The following PDSS2 variants were observed in gnomAD, a reference collection of about 807,000 sequenced individuals.
PDSS2 encodes all trans-polyprenyl-diphosphate synthase PDSS2.
In PDSS2, 31 loss-of-function variants were observed where a neutral mutation model predicts 44.5. The observed-to-expected ratio is 0.70, with a 90% CI of 0.52 to 0.94. The LOEUF (loss-of-function observed/expected upper bound fraction) is 0.94, where lower values mean the gene tolerates loss of function less well. Among genes scored for constraint, PDSS2 ranks in the 40% least tolerant of loss-of-function variants. PDSS2 has a pLI of 0.00. For synonymous variants in PDSS2, 157 were observed against 180.3 expected (o/e 0.87, Z 1.03); for missense variants, 452 against 482.2 (o/e 0.94, Z 0.59).
chr6:107,276,727 T>G (rs1775795818), intron 2 of PDSS2, among the ~76,000 whole-genome samples: 1 of 152,234 alleles, frequency 6.6e-6, no homozygotes, highest in Admixed American at 6.5e-5. Context: ...TTTGACCATA[T>G]GACTTGTTTG....
chr6:107,219,756 G>T (rs1246450959), intron 4 of PDSS2, among the ~76,000 whole-genome samples: 2 of 152,280 alleles, frequency 1.3e-5, no homozygotes, highest in Non-Finnish European at 2.9e-5. Flanking sequence ...TTGAAGGTTA[G>T]ACCTGGTACT....
At chr6:107,211,294 G>C (rs570540788) in intron 5 of PDSS2, among the ~76,000 whole-genome samples, 11 of 151,616 alleles carry the variant, frequency 7.3e-5, no homozygotes, top group African/African-American at 2.7e-4. Flanking sequence ...TATATATAGA[G>C]AGAGGCAACA....
At chr6:107,198,348 T>C (rs961790134) in intron 6 of PDSS2, among the ~76,000 whole-genome samples, 1 of 152,164 alleles carries the variant, frequency 6.6e-6, no homozygotes, top group African/African-American at 2.4e-5. Flanking sequence ...CTACATAAAA[T>C]GACAACACCG....
chr6:107,455,494 G>C (rs1043223428), intron 1 of PDSS2, among the ~76,000 whole-genome samples: 1 of 151,938 alleles, frequency 6.6e-6, no homozygotes, highest in African/African-American at 2.4e-5. Context: ...AGTGGCTCAT[G>C]CCTGTAATTC....
chr6:107,175,297 A>G (rs1397540815), intron 7 of PDSS2, among the ~76,000 whole-genome samples: 1 of 152,048 alleles, frequency 6.6e-6, no homozygotes, highest in Non-Finnish European at 1.5e-5. Flanking sequence ...CAACAGCCCT[A>G]CGAGGTAGAT....
rs1022643515 is a variant in PDSS2 at position 107,154,595 on chromosome 6, C to T, written c.*24G>A. On this transcript the variant is annotated 3_prime_UTR_variant, in exon 8 of 8. Transcript: ENST00000369037. ...TTCCCTAGGATTTTCAGCTAACTAA[C>T]AATAGTGTCTTTTTAATTTGATGTC... The T allele has an allele frequency of 2.5e-6, 4 of 1,612,168 alleles. No individual in the cohort carries two copies. The African/African-American group carries it at 4.0e-5, about 16-fold the overall frequency.
chr6:107,402,777 C>T (rs1205402525), intron 1 of PDSS2, among the ~76,000 whole-genome samples: 3 of 151,570 alleles, frequency 2.0e-5, no homozygotes, highest in African/African-American at 7.3e-5. Flanking sequence ...TAAACTAGAA[C>T]TAGAACTCAC....
intron 2 of PDSS2, among the ~76,000 whole-genome samples, chr6:107,283,117 A>G (rs186883363): frequency 6.6e-6 from 1 of 151,526 alleles, no homozygotes. Flanking sequence ...CCAGGAGTTC[A>G]AGACCAGCCT....
At chr6:107,244,128 CA>C (rs1774531404) in intron 4 of PDSS2, among the ~76,000 whole-genome samples, 1 of 152,024 alleles carries the variant, frequency 6.6e-6, no homozygotes, top group Non-Finnish European at 1.5e-5. Flanking sequence ...AACTCCATCT[CA>C]AAAAAACAAA....
intron 1 of PDSS2, among the ~76,000 whole-genome samples, chr6:107,393,547 A>T (rs1168830944): frequency 6.6e-6 from 1 of 152,170 alleles, no homozygotes; most frequent in Non-Finnish European, 1.5e-5. Flanking sequence ...TCAGTCTTCT[A>T]AATCCCTATG....
intron 3 of PDSS2, among the ~76,000 whole-genome samples, chr6:107,266,014 C>T (rs954711115): frequency 6.6e-6 from 1 of 152,176 alleles, no homozygotes; most frequent in Non-Finnish European, 1.5e-5. Flanking sequence ...TCGCCACCTC[C>T]TCCTTCTAAA....
At chr6:107,212,836 CAAAAAA>C (rs68101776) in intron 4 of PDSS2, among the ~76,000 whole-genome samples, 111 of 127,776 alleles carry the variant, frequency 8.7e-4, no homozygotes, top group Non-Finnish European at 1.2e-3. Flanking sequence ...CAAGACTCTA[CAAAAAA>C]AAAAAAAAAA....
intron 3 of PDSS2, among the ~76,000 whole-genome samples, chr6:107,251,725 T>C (rs1774825402): frequency 2.0e-5 from 3 of 152,212 alleles, no homozygotes; most frequent in Admixed American, 6.5e-5. Flanking sequence ...AAATTTCTTT[T>C]TGAGCCACAA....
chr6:107,418,681 A>T (rs112578862), intron 1 of PDSS2, among the ~76,000 whole-genome samples: 476 of 152,326 alleles, frequency 3.1e-3, no homozygotes, highest in African/African-American at 0.011. Flanking sequence ...AGGCTGAGGC[A>T]GGAGAATCGC....
chr6:107,395,939 A>C (rs527383351), intron 1 of PDSS2, among the ~76,000 whole-genome samples: 1 of 152,250 alleles, frequency 6.6e-6, no homozygotes, highest in South Asian at 2.1e-4. Flanking sequence ...ATCTATGTGG[A>C]GTTTCATTTA....
chr6:107,395,388 T>C (rs541483642), intron 1 of PDSS2, among the ~76,000 whole-genome samples: 1 of 152,146 alleles, frequency 6.6e-6, no homozygotes, highest in Non-Finnish European at 1.5e-5. Flanking sequence ...TGTGCCCACC[T>C]TCTGGTGTTC....
At chr6:107,235,197 C>T (rs775234977) in intron 4 of PDSS2, among the ~76,000 whole-genome samples, 13 of 152,152 alleles carry the variant, frequency 8.5e-5, no homozygotes, top group Non-Finnish European at 1.8e-4. Context: ...GGCTAGGGTT[C>T]ATAGGGCAGA....
intron 4 of PDSS2, among the ~76,000 whole-genome samples, chr6:107,242,376 G>T (rs1774466282): frequency 6.6e-6 from 1 of 151,972 alleles, no homozygotes; most frequent in Non-Finnish European, 1.5e-5. Flanking sequence ...CCATTCTCCT[G>T]CCTCAGCCTC....
At chr6:107,439,231 T>C (rs957075373) in intron 1 of PDSS2, among the ~76,000 whole-genome samples, 3 of 152,200 alleles carry the variant, frequency 2.0e-5, no homozygotes, top group East Asian at 1.9e-4. Flanking sequence ...AACAAGGCCA[T>C]GGCAATTTCA....
Sources: gnomAD v4.1 joint callset for allele counts (sites outside exome capture counted in the v4.1 genomes callset) on GRCh38, gnomAD v4.1.1 for gene constraint, MANE v1.5 for transcripts, NCBI Gene and HGNC (gene_info 2026-07-23, HGNC 2026-07-21) for gene names.